Variants in FHIT observed in about 807,000 individuals in gnomAD.
FHIT encodes fragile histidine triad diadenosine triphosphatase.
Under a neutral mutation model 17.9 loss-of-function variants are expected in FHIT, and 19 were observed. That is an observed-to-expected ratio of 1.06 (90% CI 0.74 to 1.56). The LOEUF (loss-of-function observed/expected upper bound fraction) is 1.56. Ranked by LOEUF, FHIT falls within the 40% of genes most tolerant of loss-of-function variation. The probability of loss-of-function intolerance (pLI) is 0.00; values close to 1 mark genes in which losing one functional copy is unlikely to be tolerated. For missense variants in FHIT, 248 were observed against 189.2 expected (o/e 1.31, Z -1.82); for synonymous variants, 81 against 69.7 (o/e 1.16, Z -0.81).
chr3:60,535,602 A>T lies in FHIT; in HGVS notation c.103+1258T>A, dbSNP rs190615578. Among the ~76,000 whole-genome samples the T allele has an allele frequency of 2.5e-3, 373 of 151,906 alleles. 1 individual carries two copies. The highest frequency in any genetic ancestry group is 5.2e-3 in the Admixed American group (80 of 15,252). Reference sequence around the variant, plus strand: ...AATCATTCTAGTGTTTTTTTTTAATAAACAGAAGAAAATAGTTTTCTAATA... The same window carrying T: ...AATCATTCTAGTGTTTTTTTTTAATTAACAGAAGAAAATAGTTTTCTAATA... On this transcript the variant is annotated intron_variant, in intron 5 of 9. Coordinates refer to ENST00000492590, the MANE Select transcript of FHIT (RefSeq NM_002012.4).
At chr3:61,137,923 T>C (rs2106984457) in intron 2 of FHIT, among the ~76,000 whole-genome samples, 3 of 152,316 alleles carry the variant, frequency 2.0e-5, no homozygotes, top group African/African-American at 7.2e-5. Flanking sequence ...CCTCTCTCTT[T>C]CTTTCTCCCT....
intron 5 of FHIT, among the ~76,000 whole-genome samples, chr3:60,017,512 T>TG (rs1204937012): frequency 6.6e-6 from 1 of 152,236 alleles, no homozygotes. Context: ...CCTCTATCAC[T>TG]GGGTCAGGTT....
intron 5 of FHIT, among the ~76,000 whole-genome samples, chr3:60,057,789 G>A (rs1168337944): frequency 6.6e-6 from 1 of 151,164 alleles, no homozygotes; most frequent in Non-Finnish European, 1.5e-5. Context: ...TTGCTTCCTT[G>A]CCTCTCCCTA....
At chr3:60,027,564 T>C (rs1700803415) in intron 5 of FHIT, among the ~76,000 whole-genome samples, 1 of 152,088 alleles carries the variant, frequency 6.6e-6, no homozygotes, top group South Asian at 2.1e-4. Flanking sequence ...AGTTTCTTAC[T>C]GATTAAATGC....
intron 2 of FHIT, among the ~76,000 whole-genome samples, chr3:61,056,019 T>C (rs960353283): frequency 6.6e-6 from 1 of 152,228 alleles, no homozygotes; most frequent in African/African-American, 2.4e-5. Flanking sequence ...CACAGATAAA[T>C]TGTTTTTCAC....
At chr3:60,142,663 G>A (rs925660200) in intron 5 of FHIT, among the ~76,000 whole-genome samples, 74 of 151,448 alleles carry the variant, frequency 4.9e-4, no homozygotes, top group African/African-American at 1.1e-3. Context: ...CACTATGCCC[G>A]GCTAACATTT....
At chr3:60,426,878 C>T (rs1702687676) in intron 5 of FHIT, among the ~76,000 whole-genome samples, 1 of 152,124 alleles carries the variant, frequency 6.6e-6, no homozygotes, top group Non-Finnish European at 1.5e-5. Flanking sequence ...CCTCAAGATT[C>T]TTGCCTCTGG....
At chr3:61,205,349 G>C (rs1003194231) in intron 1 of FHIT, among the ~76,000 whole-genome samples, 8 of 152,122 alleles carry the variant, frequency 5.3e-5, no homozygotes, top group Non-Finnish European at 8.8e-5. Flanking sequence ...TAATGAGATG[G>C]CTGAGTCAAA....
At chr3:59,769,623 C>T (rs1432490757) in intron 8 of FHIT, among the ~76,000 whole-genome samples, 2 of 152,184 alleles carry the variant, frequency 1.3e-5, no homozygotes, top group Admixed American at 1.3e-4. Context: ...TTAACTTAAA[C>T]TTGATAATTA....
chr3:59,862,981 T>C (rs1702473519), intron 8 of FHIT, among the ~76,000 whole-genome samples: 1 of 152,142 alleles, frequency 6.6e-6, no homozygotes, highest in South Asian at 2.1e-4. Context: ...AAACACGAAG[T>C]AGACACCAGT....
chr3:59,814,045 T>TACACATACACAC (rs1553685376), intron 8 of FHIT, among the ~76,000 whole-genome samples: 5 of 146,772 alleles, frequency 3.4e-5, no homozygotes. Context: ...AATTTACACA[T>TACACATACACAC]ACACACACAC....
intron 2 of FHIT, among the ~76,000 whole-genome samples, chr3:61,074,225 C>T (rs1490894035): frequency 6.6e-6 from 1 of 152,142 alleles, no homozygotes; most frequent in African/African-American, 2.4e-5. Context: ...CAGAGTTTTG[C>T]TATAAACTCA....
chr3:60,878,556 AT>A (rs140532748), intron 3 of FHIT, among the ~76,000 whole-genome samples: 4,677 of 152,096 alleles, frequency 0.031, 237 homozygotes, highest in African/African-American at 0.11. Context: ...TTTATTACAT[AT>A]GTATACATGT....
intron 8 of FHIT, among the ~76,000 whole-genome samples, chr3:59,841,999 A>AT (rs1415592868): frequency 6.6e-6 from 1 of 152,142 alleles, no homozygotes; most frequent in African/African-American, 2.4e-5. Context: ...GCCACCAACC[A>AT]TGTGCAGAAC....
intron 7 of FHIT, among the ~76,000 whole-genome samples, chr3:59,925,500 C>G (rs1705613286): frequency 1.3e-5 from 2 of 152,172 alleles, no homozygotes; most frequent in African/African-American, 4.8e-5. Context: ...GTATCCACTA[C>G]TAACATATGG....
intron 5 of FHIT, among the ~76,000 whole-genome samples, chr3:60,412,251 A>G (rs1030912553): frequency 2.6e-5 from 4 of 152,134 alleles, no homozygotes; most frequent in Admixed American, 2.0e-4. Context: ...CAAAGGCAGT[A>G]TATTTTCATT....
chr3:60,466,057 T>A (rs2032772740), intron 5 of FHIT, among the ~76,000 whole-genome samples: 1 of 152,116 alleles, frequency 6.6e-6, no homozygotes, highest in Non-Finnish European at 1.5e-5. Flanking sequence ...TCCTCTTCAA[T>A]TTTTTACATC....
chr3:60,032,873 C>T (rs537075929), intron 5 of FHIT, among the ~76,000 whole-genome samples: 3 of 152,198 alleles, frequency 2.0e-5, no homozygotes, highest in South Asian at 4.1e-4. Flanking sequence ...GTATAATCAG[C>T]CACCTATAGC....
chr3:59,801,639 G>T (rs1699997033), intron 8 of FHIT, among the ~76,000 whole-genome samples: 1 of 152,238 alleles, frequency 6.6e-6, no homozygotes, highest in East Asian at 1.9e-4. Context: ...CCAATGCTCT[G>T]TATCAATGCT....
Sources: gnomAD v4.1 joint callset for allele counts (sites outside exome capture counted in the v4.1 genomes callset) on GRCh38, gnomAD v4.1.1 for gene constraint, MANE v1.5 for transcripts, NCBI Gene and HGNC (gene_info 2026-07-23, HGNC 2026-07-21) for gene names.